The following ATP10D variants were observed in gnomAD, a reference collection of about 807,000 sequenced individuals.
ATP10D encodes the protein phospholipid-transporting ATPase VD.
In ATP10D, 89 loss-of-function variants were observed where a neutral mutation model predicts 144.8. The observed-to-expected ratio is 0.61, with a 90% CI of 0.52 to 0.73. The LOEUF (loss-of-function observed/expected upper bound fraction) is 0.73. Ranked by LOEUF, ATP10D falls within the 30% of genes least tolerant of loss-of-function variation. The pLI is 0.00. For synonymous variants in ATP10D, 571 were observed against 615.1 expected, an observed-to-expected ratio of 0.93 and a Z score of 1.06; for missense variants, 1,603 against 1,714.8, an observed-to-expected ratio of 0.93 and a Z score of 1.15.
At chr4:47,513,403 A>G (rs1396481686) in intron 2 of ATP10D, among the ~76,000 whole-genome samples, 1 of 152,212 alleles carries the variant, frequency 6.6e-6, no homozygotes, top group Non-Finnish European at 1.5e-5. Context: ...CAATATATAC[A>G]TATATAAAAC....
intron 15 of ATP10D, among the ~76,000 whole-genome samples, chr4:47,567,330 G>A (rs780896194): frequency 6.6e-6 from 1 of 152,130 alleles, no homozygotes; most frequent in Non-Finnish European, 1.5e-5. Context: ...TAGTTAATTT[G>A]TAAAACCTAA....
intron 1 of ATP10D, among the ~76,000 whole-genome samples, chr4:47,492,203 G>A (rs1372890744): frequency 6.6e-6 from 1 of 152,190 alleles, no homozygotes; most frequent in Admixed American, 6.5e-5. Context: ...GTGTGAGGTG[G>A]TGATATTATT....
chr4:47,488,612 CAAA>C (rs56859197), intron 1 of ATP10D, among the ~76,000 whole-genome samples: 34,559 of 92,132 alleles, frequency 0.38, 4,489 homozygotes, highest in East Asian at 0.73. Flanking sequence ...ATATAATAAG[CAAA>C]AAAAAAAAAA....
chr4:47,498,137 A>C (rs1443533174), intron 1 of ATP10D, among the ~76,000 whole-genome samples: 1 of 152,204 alleles, frequency 6.6e-6, no homozygotes, highest in East Asian at 1.9e-4. Flanking sequence ...AAGTCCCACT[A>C]GGGCTGAGTG....
chr4:47,550,558 C>G (rs1243588383), intron 10 of ATP10D, among the ~76,000 whole-genome samples: 2 of 152,116 alleles, frequency 1.3e-5, no homozygotes, highest in Non-Finnish European at 2.9e-5. Flanking sequence ...TGGCGGGCCA[C>G]TTCCAAGATG....
chr4:47,590,904 G>A lies in ATP10D; in HGVS notation c.3942-138G>A, dbSNP rs1438721772. ...TTATCTCCATTTTGTATTAGAGTTC[G>A]GTTACCCTCCCCCTTTATTTCAGGA... On this transcript the variant is annotated intron_variant, in intron 22 of 22. Coordinates refer to ENST00000273859, the MANE Select transcript of ATP10D (RefSeq NM_020453.4). The A allele has an allele frequency of 9.7e-6, 5 of 517,762 alleles. No individual in the cohort carries two copies. The South Asian group carries it at 1.5e-4, about 16-fold the overall frequency. 32.1% of individuals were successfully genotyped at this position (517,762 alleles called of 1,614,324 possible).
chr4:47,552,761 G>A (rs1718787360), intron 10 of ATP10D, among the ~76,000 whole-genome samples: 1 of 152,136 alleles, frequency 6.6e-6, no homozygotes, highest in Non-Finnish European at 1.5e-5. Flanking sequence ...TCAAATAATT[G>A]CTGAGATCAT....
chr4:47,583,070 A>G (rs1410385686), intron 21 of ATP10D: 1 of 152,260 alleles, frequency 6.6e-6, no homozygotes, highest in African/African-American at 2.4e-5. Flanking sequence ...TGAGCCCAAC[A>G]GTTGGAGGCT....
intron 15 of ATP10D, among the ~76,000 whole-genome samples, chr4:47,567,838 G>A (rs1719724453): frequency 6.6e-6 from 1 of 152,158 alleles, no homozygotes; most frequent in Admixed American, 6.5e-5. Flanking sequence ...TTCTTATTTT[G>A]TTGTAGGTTG....
intron 5 of ATP10D, among the ~76,000 whole-genome samples, chr4:47,528,503 GTGTGTGTGTGTATATA>G (rs1285357622): frequency 4.2e-3 from 119 of 28,512 alleles, no homozygotes; most frequent in African/African-American, 0.013. Flanking sequence ...GTGTGTGTGT[GTGTGTGTGTGTATATA>G]TATATATATA....
chr4:47,565,568 G>A (rs1361895066), intron 15 of ATP10D, among the ~76,000 whole-genome samples: 4 of 152,166 alleles, frequency 2.6e-5, no homozygotes, highest in African/African-American at 7.2e-5. Flanking sequence ...ACTCATAATG[G>A]GAGAGTAATG....
At chr4:47,532,127 A>G (rs1266335439) in intron 5 of ATP10D, among the ~76,000 whole-genome samples, 1 of 152,086 alleles carries the variant, frequency 6.6e-6, no homozygotes, top group Non-Finnish European at 1.5e-5. Context: ...GTAGTTCAAA[A>G]TTTCTGGGAG....
intron 9 of ATP10D, among the ~76,000 whole-genome samples, chr4:47,541,179 C>G (rs564694606): frequency 1.3e-5 from 2 of 152,260 alleles, no homozygotes; most frequent in South Asian, 4.1e-4. Flanking sequence ...TTTAGAACAG[C>G]AAATGGCACA....
intron 5 of ATP10D, among the ~76,000 whole-genome samples, chr4:47,528,385 T>C (rs1446185376): frequency 1.3e-5 from 2 of 151,890 alleles, no homozygotes; most frequent in African/African-American, 4.8e-5. Context: ...CTTAGGACAA[T>C]GGTCTCAAGC....
At chr4:47,522,271 G>A (rs1259752034) in intron 3 of ATP10D, among the ~76,000 whole-genome samples, 1 of 152,144 alleles carries the variant, frequency 6.6e-6, no homozygotes, top group Non-Finnish European at 1.5e-5. Context: ...GGAGCATAAT[G>A]GTAACCCATC....
intron 19 of ATP10D, 142 bp downstream of exon 19, chr4:47,577,115 A>T: frequency 2.7e-6 from 2 of 741,426 alleles, no homozygotes; most frequent in South Asian, 3.7e-5. Context: ...CTTATGTGGC[A>T]GATATTCACT....
Position 47,581,809 on chromosome 4 carries a change from A to G in ATP10D, c.3649-151A>G, listed in dbSNP as rs983976200. On this transcript the variant is annotated intron_variant, in intron 20 of 22. Transcript: ENST00000273859. ...CTGTCTGGGAGAGAGTCAGTCTCTT[A>G]CTTGTGGAAATGTTCAAGTTTATTT... is the stretch of plus-strand genomic sequence containing the variant. The G allele has an allele frequency of 1.7e-5, 10 of 600,750 alleles. No individual in the cohort carries two copies. In the African/African-American group the frequency reaches 1.7e-4, roughly 10 times the overall value. The allele number at this position is 600,750 out of a possible 1,614,324, so 37.2% of individuals were successfully genotyped here.
At chr4:47,503,915 A>AAAAATAAAAT (rs148176369) in intron 1 of ATP10D, among the ~76,000 whole-genome samples, 4 of 151,598 alleles carry the variant, frequency 2.6e-5, no homozygotes, top group Non-Finnish European at 4.4e-5. Context: ...ATAATAAATA[A>AAAAATAAAAT]AAAATAAAAT....
chr4:47,535,155 G>T lies in ATP10D; in HGVS notation c.777-354G>T, dbSNP rs1468433601. Among the ~76,000 whole-genome samples the T allele has an allele frequency of 4.6e-5, 7 of 151,898 alleles. No homozygotes were observed. In the East Asian group the frequency reaches 5.8e-4, roughly 13 times the overall value. On this transcript the variant is annotated intron_variant, in intron 5 of 22. Transcript: ENST00000273859. Reference sequence around the variant, plus strand: ...AAAGATAAGAATAATAGACACCAGGGCCTAATTGAAGGTGGATGGTAAGAG... The same window carrying T: ...AAAGATAAGAATAATAGACACCAGGTCCTAATTGAAGGTGGATGGTAAGAG...
Sources: gnomAD v4.1 joint callset for allele counts (sites outside exome capture counted in the v4.1 genomes callset) on GRCh38, gnomAD v4.1.1 for gene constraint, MANE v1.5 for transcripts, NCBI Gene and HGNC (gene_info 2026-07-23, HGNC 2026-07-21) for gene names.